The following CUX2 variants were observed in gnomAD, a reference collection of about 807,000 sequenced individuals.
The protein encoded by CUX2 is cut like homeobox 2, also known as homeobox protein cut-like 2.
CUX2 carries 40 observed loss-of-function variants against 144.8 expected under a neutral mutation model. The ratio of observed to expected loss-of-function variants is 0.28; its 90% CI spans 0.21 to 0.36. CUX2 has a LOEUF of 0.36. CUX2 is among the 10% of genes least tolerant of loss of function. The pLI is 1.00. For missense variants in CUX2, 1,615 were observed against 1,994.0 expected, an observed-to-expected ratio of 0.81 and a Z score of 3.62; for synonymous variants, 827 against 875.6, an observed-to-expected ratio of 0.94 and a Z score of 0.98.
intron 1 of CUX2, among the ~76,000 whole-genome samples, chr12:111,208,380 G>A (rs1211554982): frequency 6.6e-6 from 1 of 152,098 alleles, no homozygotes; most frequent in Non-Finnish European, 1.5e-5. Context: ...TCATATAGCT[G>A]ACACTTTGGG....
intron 15 of CUX2, among the ~76,000 whole-genome samples, chr12:111,311,379 C>T (rs574846835): frequency 6.6e-6 from 1 of 152,230 alleles, no homozygotes; most frequent in Admixed American, 6.5e-5. Flanking sequence ...CCTCTGCCTC[C>T]TGGGTTAAAG....
chr12:111,299,131 G>A (rs903264277), intron 9 of CUX2, among the ~76,000 whole-genome samples: 1 of 152,242 alleles, frequency 6.6e-6, no homozygotes, highest in South Asian at 2.1e-4. Flanking sequence ...AATGCCACCA[G>A]CCAGAGACAT....
At position 111,348,155 on chromosome 12, in the gene CUX2, A is replaced by G. The variant is rs1204677268; in HGVS notation, c.4291A>G (p.Lys1431Glu). 3.7e-6 allele frequency: 6 copies of G among 1,613,714 alleles called. No homozygotes were observed. The highest frequency in any genetic ancestry group is 1.7e-4 in the Middle Eastern group (1 of 6,060). Residue 1431 changes from lysine to glutamate, a missense_variant, in exon 22 of 22, where the codon AAA becomes GAA. Lys to Glu is a moderately conservative substitution (Grantham distance 56, BLOSUM62 1). This residue lies in a region of CUX2 where 298 missense variants were observed against 330.4 expected (regional missense o/e 0.90). Transcript: ENST00000261726. ...ATCCCCACCTGGCGCCCCCCCTGCC[A>G]AAGTGCCGAGTGCCAGCCCCACTGC... ...SPSPPGAPPAKVPSASPTADM... is the reference protein window; with the variant it reads ...SPSPPGAPPAEVPSASPTADM...
intron 4 of CUX2, among the ~76,000 whole-genome samples, chr12:111,264,714 G>T (rs1322166894): frequency 6.6e-6 from 1 of 152,186 alleles, no homozygotes; most frequent in African/African-American, 2.4e-5. Flanking sequence ...CTGCACTCCA[G>T]CCTGGATGAC....
In CUX2 at chr12:111,307,453, C is replaced by G. The variant is rs1886644456; in HGVS notation, c.1109+196C>G. Among the ~76,000 whole-genome samples, 1 of 152,208 alleles carries G rather than the reference C, an allele frequency of 6.6e-6. No homozygotes were observed. The highest frequency in any genetic ancestry group is 6.5e-5 in the Admixed American group (1 of 15,278). On this transcript the variant is annotated intron_variant, in intron 12 of 21. Coordinates refer to ENST00000261726, the MANE Select transcript of CUX2 (RefSeq NM_015267.4). The surrounding 1 kb of genome is among the most constrained non-coding windows in gnomAD (Gnocchi z 4.1). ...CCTGTAATCCCAACACTTTGGGAGG[C>G]CCAGGCAGGAGGATCGCTTGAGGTC...
At chr12:111,177,610 C>G (rs1223139074) in intron 1 of CUX2, among the ~76,000 whole-genome samples, 1 of 152,184 alleles carries the variant, frequency 6.6e-6, no homozygotes, top group Non-Finnish European at 1.5e-5. Flanking sequence ...AGGCTGGTCT[C>G]GAACTCCTGA....
At chr12:111,153,264 A>G (rs1877169046) in intron 1 of CUX2, among the ~76,000 whole-genome samples, 1 of 152,210 alleles carries the variant, frequency 6.6e-6, no homozygotes, top group Non-Finnish European at 1.5e-5. Context: ...CAATAAGCGT[A>G]TTATGATAAG....
At chr12:111,169,679 AAT>A (rs1566269775) in intron 1 of CUX2, among the ~76,000 whole-genome samples, 1 of 152,138 alleles carries the variant, frequency 6.6e-6, no homozygotes, top group African/African-American at 2.4e-5. Context: ...GCGTCACGTT[AAT>A]ATGTGATTAA....
At chr12:111,198,233 T>C (rs1880360868) in intron 1 of CUX2, among the ~76,000 whole-genome samples, 1 of 152,164 alleles carries the variant, frequency 6.6e-6, no homozygotes, top group Admixed American at 6.5e-5. Context: ...CCCAGCATTT[T>C]GGGAGGCCGA....
At chr12:111,116,789 A>G (rs1874330547) in intron 1 of CUX2, among the ~76,000 whole-genome samples, 1 of 152,232 alleles carries the variant, frequency 6.6e-6, no homozygotes, top group African/African-American at 2.4e-5. Context: ...GGGAAAAAAA[A>G]TCTAACTTTA....
intron 4 of CUX2, among the ~76,000 whole-genome samples, chr12:111,274,908 G>A (rs1233725113): frequency 6.6e-6 from 1 of 150,812 alleles, no homozygotes; most frequent in Admixed American, 6.6e-5. Flanking sequence ...GACATAGTGG[G>A]AGGATAGAGA....
rs74618172 is a variant in CUX2 at position 111,172,315 on chromosome 12, T to A, written c.64-41885T>A. The stretch of plus-strand genomic sequence containing the variant: ...ACAATTATTGGAATTTAGGTTTATT[T>A]AAAAAATCAGCAGGGTTGAGGGAAC... On this transcript the variant is annotated intron_variant, in intron 1 of 21. Transcript: ENST00000261726. Among the ~76,000 whole-genome samples the A allele has an allele frequency of 9.1e-3, 1,388 of 152,280 alleles. 17 individuals are homozygous for A. The highest frequency in any genetic ancestry group is 0.032 in the African/African-American group (1,327 of 41,538).
intron 1 of CUX2, among the ~76,000 whole-genome samples, chr12:111,107,442 T>C (rs80200171): frequency 0.025 from 3,760 of 152,380 alleles, 170 homozygotes; most frequent in African/African-American, 0.086. Flanking sequence ...TCACTTACAA[T>C]TCTTTTCTCC....
Position 111,132,340 on chromosome 12 carries a change from C to T in CUX2, c.64-81860C>T, listed in dbSNP as rs548482535. Among the ~76,000 whole-genome samples, 601 of 152,216 alleles carry T rather than the reference C, an allele frequency of 3.9e-3. 3 individuals are homozygous for T. The highest frequency in any genetic ancestry group is 6.8e-3 in the Middle Eastern group (2 of 294). On this transcript the variant is annotated intron_variant, in intron 1 of 21. Transcript: ENST00000261726. The stretch of plus-strand genomic sequence containing the variant: ...GACCCAGCCCATGAAATCACTTTTT[C>T]CTCCTAGACCTCTGGGCCTGTGATG...
At chr12:111,085,870 C>T in intron 1 of CUX2, among the ~76,000 whole-genome samples, 1 of 152,236 alleles carries the variant, frequency 6.6e-6, no homozygotes, top group Middle Eastern at 3.2e-3. Flanking sequence ...CAAGGGCTTA[C>T]ACAGGGCAGA....
intron 3 of CUX2, among the ~76,000 whole-genome samples, chr12:111,251,586 C>G (rs952758915): frequency 2.0e-5 from 3 of 152,172 alleles, no homozygotes; most frequent in African/African-American, 7.2e-5. Context: ...CTCCGGGAGC[C>G]TGACATAAAT....
In CUX2 at chr12:111,348,275, C is replaced by T. The variant is rs1391543515; in HGVS notation, c.4411C>T (p.Arg1471Ter). 1.2e-6 allele frequency: 2 copies of T among 1,613,616 alleles called. No individual in the cohort carries two copies. Among genetic ancestry groups the T allele is most frequent in the Non-Finnish European group, 1.7e-6 (2 of 1,179,952 alleles). ...KMANLNNIIY[R>*]VERAANREEA... is the part of the protein sequence containing the mutation. ...GGCCAATCTGAACAACATCATTTAC[C>T]GAGTAGAGCGGGCTGCCAATCGGGA... is the stretch of plus-strand genomic sequence containing the variant. Residue 1471 changes from arginine to a stop codon, truncating the protein, a stop_gained, in exon 22 of 22, where the codon CGA (arginine) becomes TGA (stop). Coordinates refer to ENST00000261726, the MANE Select transcript of CUX2 (RefSeq NM_015267.4). LOFTEE classifies it high-confidence loss of function.
intron 1 of CUX2, among the ~76,000 whole-genome samples, chr12:111,207,477 A>G (rs1880983438): frequency 6.6e-6 from 1 of 152,194 alleles, no homozygotes; most frequent in South Asian, 2.1e-4. Flanking sequence ...GTGGGTGGAC[A>G]GATGAGGTCC....
At chr12:111,174,858 G>A (rs906977883) in intron 1 of CUX2, among the ~76,000 whole-genome samples, 3 of 152,348 alleles carry the variant, frequency 2.0e-5, no homozygotes, top group African/African-American at 7.2e-5. Context: ...AGATAGAGAA[G>A]AAATTGCAGT....
Sources: allele counts gnomAD v4.1 joint callset (sites outside exome capture counted in the v4.1 genomes callset), GRCh38; gene constraint gnomAD v4.1.1; regional missense constraint gnomAD v4.1.1; non-coding constraint Gnocchi (gnomAD v3.1); transcripts MANE v1.5; gene names NCBI Gene and HGNC (gene_info 2026-07-23, HGNC 2026-07-21).